Variants in POU6F2 observed in about 807,000 individuals in gnomAD.
POU6F2 encodes the protein POU domain, class 6, transcription factor 2.
In POU6F2, 31 loss-of-function variants were observed where a neutral mutation model predicts 71.3. That is an observed-to-expected ratio of 0.43 (90% CI 0.33 to 0.59). The LOEUF (loss-of-function observed/expected upper bound fraction) is 0.59. Ranked by LOEUF, POU6F2 falls within the 20% of genes least tolerant of loss-of-function variation. POU6F2 has a pLI of 0.04. For synonymous variants in POU6F2, 347 were observed against 355.7 expected, an observed-to-expected ratio of 0.98 and a Z score of 0.27; for missense variants, 783 against 856.8, an observed-to-expected ratio of 0.91 and a Z score of 1.07.
intron 4 of POU6F2, among the ~76,000 whole-genome samples, chr7:39,306,155 C>T (rs1785044475): frequency 6.6e-6 from 1 of 152,192 alleles, no homozygotes; most frequent in East Asian, 1.9e-4. Flanking sequence ...GAACCCAACA[C>T]ATTAAATCAA....
chr7:39,244,497 C>T (rs1783787189), intron 4 of POU6F2, among the ~76,000 whole-genome samples: 1 of 152,176 alleles, frequency 6.6e-6, no homozygotes, highest in African/African-American at 2.4e-5. Flanking sequence ...GGATTAAATA[C>T]ATCAATGTAT....
chr7:39,294,031 C>A (rs1784808265), intron 4 of POU6F2, among the ~76,000 whole-genome samples: 1 of 151,958 alleles, frequency 6.6e-6, no homozygotes, highest in South Asian at 2.1e-4. Context: ...AATTGAGAGG[C>A]AATTTGTTAA....
chr7:39,051,568 C>G (rs933947003), intron 1 of POU6F2, among the ~76,000 whole-genome samples: 2 of 152,022 alleles, frequency 1.3e-5, no homozygotes, highest in African/African-American at 4.8e-5. Context: ...TATGAAAAGC[C>G]AAAGCTCTAG....
At chr7:39,425,707 T>C (rs184493326) in intron 6 of POU6F2, among the ~76,000 whole-genome samples, 1 of 152,354 alleles carries the variant, frequency 6.6e-6, no homozygotes, top group Admixed American at 6.5e-5. Flanking sequence ...CTTCTTAAAT[T>C]ATCTCTTCTC....
intron 2 of POU6F2, among the ~76,000 whole-genome samples, chr7:39,139,920 A>G (rs141212984): frequency 5.8e-4 from 89 of 152,362 alleles, no homozygotes; most frequent in African/African-American, 2.1e-3. Context: ...GATTTGGACT[A>G]GGGTTGAAAA....
intron 4 of POU6F2, among the ~76,000 whole-genome samples, chr7:39,336,350 C>T (rs1785777601): frequency 6.6e-6 from 1 of 152,200 alleles, no homozygotes; most frequent in South Asian, 2.1e-4. Flanking sequence ...CCTCTGCCTT[C>T]TGTCTCTATG....
At chr7:38,995,584 G>A (rs1294860214) in intron 1 of POU6F2, among the ~76,000 whole-genome samples, 1 of 152,002 alleles carries the variant, frequency 6.6e-6, no homozygotes, top group African/African-American at 2.4e-5. Context: ...GAATTATAAG[G>A]TCCCAATGAA....
chr7:39,311,265 G>A (rs4723851), intron 4 of POU6F2, among the ~76,000 whole-genome samples: 102,875 of 150,390 alleles, frequency 0.68, 35,206 homozygotes, highest in Admixed American at 0.77. Context: ...CAGGCAAAAA[G>A]CAGCCAGGTT....
At chr7:39,428,452 G>A (rs893278374) in intron 6 of POU6F2, among the ~76,000 whole-genome samples, 2 of 152,160 alleles carry the variant, frequency 1.3e-5, no homozygotes, top group Non-Finnish European at 2.9e-5. Context: ...GTGGAGAATC[G>A]GGGCAAAGAC....
At chr7:39,252,716 G>C (rs1783948150) in intron 4 of POU6F2, among the ~76,000 whole-genome samples, 2 of 152,086 alleles carry the variant, frequency 1.3e-5, no homozygotes, top group South Asian at 4.2e-4. Flanking sequence ...CCTTCCCTTG[G>C]AATGCTTTTC....
chr7:39,072,201 T>G (rs1038540625), intron 1 of POU6F2, among the ~76,000 whole-genome samples: 1 of 152,194 alleles, frequency 6.6e-6, no homozygotes, highest in Non-Finnish European at 1.5e-5. Flanking sequence ...GGAGTTATAG[T>G]GCAGAAGCTC....
intron 4 of POU6F2, among the ~76,000 whole-genome samples, chr7:39,324,095 A>C (rs760190409): frequency 6.6e-6 from 1 of 151,476 alleles, no homozygotes; most frequent in African/African-American, 2.4e-5. Context: ...GGACAAGAGC[A>C]AAACTACATC....
chr7:39,288,199 A>G lies in POU6F2; in HGVS notation c.599-51443A>G, dbSNP rs191838517. On this transcript the variant is annotated intron_variant, in intron 4 of 9. Transcript: ENST00000518318. ...TCTAGCTTTTGTGAGAGATAATGTT[A>G]ACAATTCAGGGGACTATTTATCCTC... is the stretch of plus-strand genomic sequence containing the variant. 3.9e-5 allele frequency among the ~76,000 whole-genome samples: 6 copies of G among 152,312 alleles called. 1 individual carries two copies. Among genetic ancestry groups the G allele is most frequent in the Admixed American group, 3.9e-4 (6 of 15,306 alleles).
chr7:39,127,010 GACAA>G (rs1792153354), intron 2 of POU6F2, among the ~76,000 whole-genome samples: 1 of 151,844 alleles, frequency 6.6e-6, no homozygotes, highest in South Asian at 2.1e-4. Context: ...AATAACTAAA[GACAA>G]ACAAGGAATT....
At chr7:38,991,512 A>G (rs1788602256) in intron 1 of POU6F2, among the ~76,000 whole-genome samples, 1 of 152,120 alleles carries the variant, frequency 6.6e-6, no homozygotes, top group Admixed American at 6.6e-5. Context: ...GACAAAGAGG[A>G]AAAAGATCAA....
chr7:39,063,149 G>A (rs1790691862), intron 1 of POU6F2, among the ~76,000 whole-genome samples: 1 of 152,140 alleles, frequency 6.6e-6, no homozygotes, highest in Admixed American at 6.6e-5. Flanking sequence ...ATAATAGCAA[G>A]CCTGTAAATA....
chr7:39,241,711 T>G (rs1222247150), intron 4 of POU6F2, among the ~76,000 whole-genome samples: 1 of 152,194 alleles, frequency 6.6e-6, no homozygotes, highest in South Asian at 2.1e-4. Flanking sequence ...TTAGGCCTTA[T>G]TCTATTGGTA....
Position 39,085,940 on chromosome 7 carries a change from CA to C in POU6F2, c.188del (p.Lys63ArgfsTer9). On this transcript the variant is annotated frameshift_variant, in exon 2 of 10. Coordinates refer to ENST00000518318, the MANE Select transcript of POU6F2 (RefSeq NM_001370959.1). LOFTEE classifies it high-confidence loss of function. ...EMNAELRGED[K>X]AATSDSELNE... Reference sequence around the variant, plus strand: ...TGAATGCGGAGTTGAGAGGTGAGGACAAGGCTGCTACTTCAGACAGCGAGCT... The same window carrying C: ...TGAATGCGGAGTTGAGAGGTGAGGACAGGCTGCTACTTCAGACAGCGAGCT... The C allele has an allele frequency of 1.2e-6, 2 of 1,613,614 alleles. No individual in the cohort carries two copies. Among genetic ancestry groups the C allele is most frequent in the Non-Finnish European group, 1.7e-6 (2 of 1,179,804 alleles).
At chr7:39,443,210 A>G (rs1788445582) in intron 7 of POU6F2, among the ~76,000 whole-genome samples, 1 of 152,208 alleles carries the variant, frequency 6.6e-6, no homozygotes, top group Non-Finnish European at 1.5e-5. Context: ...GGAGATTAGC[A>G]ACTGGAAAAA....
Sources: gnomAD v4.1 joint callset for allele counts (sites outside exome capture counted in the v4.1 genomes callset) on GRCh38, gnomAD v4.1.1 for gene constraint, MANE v1.5 for transcripts, NCBI Gene and HGNC (gene_info 2026-07-23, HGNC 2026-07-21) for gene names.